Variants in SCRN3 observed in about 807,000 individuals in gnomAD.
SCRN3 encodes secernin 3.
In SCRN3, 39 loss-of-function variants were observed where a neutral mutation model predicts 43.1. The observed-to-expected ratio is 0.91, with a 90% CI of 0.70 to 1.18. The LOEUF (loss-of-function observed/expected upper bound fraction) is 1.18. Ranked by LOEUF, SCRN3 falls within the 50% of genes most tolerant of loss-of-function variation. The pLI is 0.00. For missense variants in SCRN3, 484 were observed against 498.0 expected (o/e 0.97, Z 0.27); for synonymous variants, 147 against 163.1 (o/e 0.90, Z 0.75).
At chr2:174,419,443 G>A (rs987605723) in intron 5 of SCRN3, among the ~76,000 whole-genome samples, 9 of 152,144 alleles carry the variant, frequency 5.9e-5, no homozygotes, top group Non-Finnish European at 1.2e-4. Context: ...GCGGTGGCAC[G>A]ATCATAGTTT....
chr2:174,417,568 T>A (rs982587396), intron 5 of SCRN3, among the ~76,000 whole-genome samples: 3 of 152,138 alleles, frequency 2.0e-5, no homozygotes, highest in Non-Finnish European at 4.4e-5. Context: ...TAATTTTTTG[T>A]ATTTTTAGTA....
rs552994205 is a variant in SCRN3 at position 174,414,295 on chromosome 2, A to G, written c.755-8590A>G. Among the ~76,000 whole-genome samples the G allele has an allele frequency of 5.8e-4, 88 of 152,362 alleles. 1 individual carries two copies. Among genetic ancestry groups the G allele is most frequent in the Non-Finnish European group, 3.4e-4 (23 of 68,034 alleles). On this transcript the variant is annotated intron_variant, in intron 5 of 7. Coordinates refer to ENST00000272732, the MANE Select transcript of SCRN3 (RefSeq NM_024583.5). ...ATGATTCAAAATTCTAAAGTACACAAGATTATACAATGAAGTCTCTCTTTC... is the reference window on the plus strand; with the variant it reads ...ATGATTCAAAATTCTAAAGTACACAGGATTATACAATGAAGTCTCTCTTTC...
At position 174,412,499 on chromosome 2, in the gene SCRN3, A is replaced by T. The variant is rs374577027; in HGVS notation, c.754+8184A>T. 3.3e-3 allele frequency among the ~76,000 whole-genome samples: 508 copies of T among 152,198 alleles called. 3 individuals are homozygous for T. The highest frequency in any genetic ancestry group is 5.8e-3 in the Non-Finnish European group (396 of 67,990). ...CTCTGAAGGAAGGGAATTCTCTCCC[A>T]TCTAGAGGAATTGTGGTCCAAATAC... is the stretch of plus-strand genomic sequence containing the variant. On this transcript the variant is annotated intron_variant, in intron 5 of 7. Transcript: ENST00000272732.
chr2:174,401,100 G>A lies in SCRN3; in HGVS notation c.452G>A (p.Ser151Asn). 1.2e-6 allele frequency: 2 copies of A among 1,613,940 alleles called. No individual in the cohort carries two copies. Among genetic ancestry groups the A allele is most frequent in the Non-Finnish European group, 1.7e-6 (2 of 1,179,920 alleles). The change falls in exon 4 of 8, where the codon AGC becomes AAC. Residue 151 changes from serine to asparagine, a missense_variant. Ser to Asn is a conservative substitution (Grantham distance 46, BLOSUM62 1). Transcript: ENST00000272732. ...GNCTEGRMVFSYHNSFLIADR... is the reference protein window; with the variant it reads ...GNCTEGRMVFNYHNSFLIADR... ...TGCACAGAGGGTAGAATGGTATTTA[G>A]CTATCACAACAGTTTCCTGATAGCT...
chr2:174,400,254 TG>T (rs1398917773), intron 3 of SCRN3, 151 bp downstream of exon 3: 2 of 550,118 alleles, frequency 3.6e-6, no homozygotes, highest in Admixed American at 4.1e-5. Flanking sequence ...TGCAATTTCA[TG>T]ACTCTCAGTT....
chr2:174,395,833 G>A lies in SCRN3; in HGVS notation c.-10+16G>A. On this transcript the variant is annotated intron_variant, in intron 1 of 7. Transcript: ENST00000272732. ...GGGAGGCCAGGTGAGGGGCGCGCAC[G>A]GGGGAGGGGCGTGCATAGTTGAGAC... The A allele has an allele frequency of 6.6e-6, 10 of 1,504,852 alleles. No individual in the cohort carries two copies. Among genetic ancestry groups the A allele is most frequent in the Non-Finnish European group, 8.9e-6 (10 of 1,125,380 alleles). The allele number at this position is 1,504,852 out of a possible 1,614,324, so 93.2% of individuals were successfully genotyped here. A position where few individuals can be genotyped will look rare whatever the true frequency, so the allele number is the denominator to read the frequency against.
In SCRN3 at chr2:174,395,796, C is replaced by T; in HGVS notation, c.-31C>T. 6.4e-7 allele frequency: 1 copy of T among 1,550,638 alleles called. No homozygotes were observed. On this transcript the variant is annotated 5_prime_UTR_variant, in exon 1 of 8. Coordinates refer to ENST00000272732, the MANE Select transcript of SCRN3 (RefSeq NM_024583.5). ...CACTCCTCCCTCCGTCCACCTGTCA[C>T]TTCGGGTAGCTGGGAGGCCAGGTGA... is the stretch of plus-strand genomic sequence containing the variant.
At chr2:174,425,570 G>A (rs1686452648) in intron 7 of SCRN3, among the ~76,000 whole-genome samples, 1 of 151,868 alleles carries the variant, frequency 6.6e-6, no homozygotes, top group African/African-American at 2.4e-5. Context: ...CTGCAGTGTT[G>A]GCATTGTTTC....
At chr2:174,406,309 G>A (rs1685691306) in intron 5 of SCRN3, among the ~76,000 whole-genome samples, 2 of 140,876 alleles carry the variant, frequency 1.4e-5, no homozygotes, top group African/African-American at 2.5e-5. Context: ...CATTGATTTT[G>A]TATCCTGAGA....
rs768857774 is a variant in SCRN3, at chr2:174,401,109, A to G, written c.461A>G (p.Asn154Ser). ...GGTAGAATGGTATTTAGCTATCACA[A>G]CAGTTTCCTGATAGCTGATAGGAAT... ...TEGRMVFSYH[N>S]SFLIADRNEA... The change falls in exon 4 of 8, where the codon AAC becomes AGC. Residue 154 changes from asparagine to serine, a missense_variant. Transcript: ENST00000272732. The G allele has an allele frequency of 1.2e-6, 2 of 1,613,972 alleles. No individual in the cohort carries two copies. The highest frequency in any genetic ancestry group is 1.1e-5 in the South Asian group (1 of 91,078).
rs1422319787 is a variant in SCRN3 at position 174,395,780 on chromosome 2, C to G, written c.-47C>G. 1.3e-6 allele frequency: 2 copies of G among 1,565,896 alleles called. No individual in the cohort carries two copies. The highest frequency in any genetic ancestry group is 1.7e-6 in the Non-Finnish European group (2 of 1,154,492). ...TGATGCCTCCACTGGCCACTCCTCCCTCCGTCCACCTGTCACTTCGGGTAG... is the reference window on the plus strand; with the variant it reads ...TGATGCCTCCACTGGCCACTCCTCCGTCCGTCCACCTGTCACTTCGGGTAG... On this transcript the variant is annotated 5_prime_UTR_variant, in exon 1 of 8. Transcript: ENST00000272732.
intron 5 of SCRN3, among the ~76,000 whole-genome samples, chr2:174,419,994 G>A (rs758720833): frequency 6.6e-6 from 1 of 152,020 alleles, no homozygotes; most frequent in Non-Finnish European, 1.5e-5. Flanking sequence ...GAGTAGAGAC[G>A]AAGGGCCTAG....
chr2:174,401,083 G>C lies in SCRN3; in HGVS notation c.435G>C (p.Glu145Asp). The stretch of plus-strand genomic sequence containing the variant: ...ATGGCCAGGGTGGAAATTGCACAGA[G>C]GGTAGAATGGTATTTAGCTATCACA... ...EKYGQGGNCT[E>D]GRMVFSYHNS... Residue 145 changes from glutamate (E) to aspartate (D), a missense_variant, in exon 4 of 8, where the codon GAG (glutamate) becomes GAC (aspartate). By Grantham distance (45) the Glu-to-Asp change is conservative. Transcript: ENST00000272732. 1.2e-6 allele frequency: 2 copies of C among 1,613,882 alleles called. No homozygotes were observed. Among genetic ancestry groups the C allele is most frequent in the Non-Finnish European group, 1.7e-6 (2 of 1,179,918 alleles).
At chr2:174,422,763 T>A (rs1686335156) in intron 5 of SCRN3, 122 bp from the exon 6 acceptor site, 1 of 559,994 alleles carries the variant, frequency 1.8e-6, no homozygotes, top group Non-Finnish European at 3.1e-6. Context: ...TTGTTTATAG[T>A]CAGTCTCTTA....
chr2:174,404,063 G>T, intron 4 of SCRN3, 40 bp from the exon 5 acceptor site: 2 of 1,469,860 alleles, frequency 1.4e-6, no homozygotes, highest in South Asian at 2.3e-5. Context: ...TGTTAAATAT[G>T]ACTTTTCTTC....
chr2:174,416,042 T>C (rs1413514142), intron 5 of SCRN3, among the ~76,000 whole-genome samples: 2 of 152,110 alleles, frequency 1.3e-5, no homozygotes, highest in Non-Finnish European at 2.9e-5. Flanking sequence ...AATTATATGG[T>C]AGTTATTATG....
At chr2:174,415,799 C>T (rs902368285) in intron 5 of SCRN3, among the ~76,000 whole-genome samples, 1 of 152,100 alleles carries the variant, frequency 6.6e-6, no homozygotes, top group Non-Finnish European at 1.5e-5. Context: ...TGTGCACTAC[C>T]ATGCTAGGCT....
chr2:174,395,916 C>A, intron 1 of SCRN3, 99 bp downstream of exon 1: 2 of 1,415,666 alleles, frequency 1.4e-6, no homozygotes, highest in Non-Finnish European at 1.8e-6. Context: ...GCTCCGGAGC[C>A]CAGCTGCACC....
intron 5 of SCRN3, among the ~76,000 whole-genome samples, chr2:174,416,137 G>A (rs1686098189): frequency 6.6e-6 from 1 of 152,312 alleles, no homozygotes; most frequent in South Asian, 2.1e-4. Context: ...GCAAGGTTAT[G>A]GAGATCATGC....
Sources: gnomAD v4.1 joint callset for allele counts (sites outside exome capture counted in the v4.1 genomes callset) on GRCh38, gnomAD v4.1.1 for gene constraint, MANE v1.5 for transcripts, NCBI Gene and HGNC (gene_info 2026-07-23, HGNC 2026-07-21) for gene names.